The following FERMT1 variants were observed in gnomAD, a reference collection of about 807,000 sequenced individuals.
FERMT1 encodes the protein fermitin family homolog 1.
A neutral mutation model predicts 85.3 loss-of-function variants in FERMT1; 60 were observed. The observed-to-expected ratio is 0.70, with a 90% CI of 0.57 to 0.87. The LOEUF (loss-of-function observed/expected upper bound fraction) is 0.87. Among genes scored for constraint, FERMT1 ranks in the 40% least tolerant of loss-of-function variants. The pLI, the probability that FERMT1 is intolerant of heterozygous loss-of-function variation, is 0.00. For missense variants in FERMT1, 701 were observed against 818.9 expected (o/e 0.86, Z 1.76); for synonymous variants, 275 against 301.1 (o/e 0.91, Z 0.90).
chr20:6,094,445 C>T (rs1194215750), intron 9 of FERMT1, among the ~76,000 whole-genome samples: 1 of 152,128 alleles, frequency 6.6e-6, no homozygotes, highest in Non-Finnish European at 1.5e-5. Flanking sequence ...CTCTGTAAGC[C>T]CAGGATCAAA....
At chr20:6,092,410 G>A (rs1192186024) in intron 9 of FERMT1, among the ~76,000 whole-genome samples, 3 of 152,128 alleles carry the variant, frequency 2.0e-5, no homozygotes, top group Non-Finnish European at 2.9e-5. Flanking sequence ...AGGCATGGTG[G>A]CACATGCCTG....
At position 6,078,646 on chromosome 20, in the gene FERMT1, G is replaced by GTT. The variant is rs71867735; in HGVS notation, c.1860+788_1860+789dup. Among the ~76,000 whole-genome samples the GTT allele has an allele frequency of 4.5e-3, 532 of 117,406 alleles. 6 individuals carry two copies. Among genetic ancestry groups the GTT allele is most frequent in the African/African-American group, 0.015 (504 of 34,570 alleles). 77.0% of individuals were successfully genotyped at this position (117,406 alleles called of 152,430 possible). On this transcript the variant is annotated intron_variant, in intron 14 of 14. Transcript: ENST00000217289. ...GGCTAGTTCAGCGTTTTTTTTTTTT[G>GTT]TTTTTTTTTTTTTTAATTTTCTGTG...
At chr20:6,084,258 C>T (rs1293184804) in intron 12 of FERMT1, 94 bp from the exon 13 acceptor site, 2 of 1,356,592 alleles carry the variant, frequency 1.5e-6, no homozygotes, top group Non-Finnish European at 2.0e-6. Context: ...ACAATACACT[C>T]AAGGTCCGTC....
intron 12 of FERMT1, 97 bp from the exon 13 acceptor site, chr20:6,084,261 G>T: frequency 7.4e-7 from 1 of 1,343,042 alleles, no homozygotes; most frequent in Non-Finnish European, 1.0e-6. Flanking sequence ...ATACACTCAA[G>T]GTCCGTCTGC....
chr20:6,111,940 G>A (rs1982963477), intron 4 of FERMT1, among the ~76,000 whole-genome samples: 1 of 151,046 alleles, frequency 6.6e-6, no homozygotes, highest in African/African-American at 2.4e-5. Flanking sequence ...TTGGCACACC[G>A]CAACTTCCAC....
At chr20:6,093,092 C>A (rs578193780) in intron 9 of FERMT1, among the ~76,000 whole-genome samples, 1 of 152,116 alleles carries the variant, frequency 6.6e-6, no homozygotes, top group African/African-American at 2.4e-5. Context: ...AAAAGAGCTT[C>A]ACTGTAATAG....
rs1405627205 is a variant in FERMT1, at chr20:6,077,065, A to C, written c.*108T>G. On this transcript the variant is annotated 3_prime_UTR_variant, in exon 15 of 15. Transcript: ENST00000217289. ...GATCTGGGTGACCAGCGGTGAATGT[A>C]TGTTGTCTGTTAGTCCAGAATCTAC... The C allele has an allele frequency of 2.8e-6, 3 of 1,090,582 alleles. No homozygotes were observed. The African/African-American group carries it at 4.6e-5, about 17-fold the overall frequency. 67.6% of individuals were successfully genotyped at this position (1,090,582 alleles called of 1,614,324 possible).
intron 8 of FERMT1, among the ~76,000 whole-genome samples, chr20:6,096,367 A>G (rs1982498515): frequency 6.6e-6 from 1 of 152,304 alleles, no homozygotes; most frequent in African/African-American, 2.4e-5. Flanking sequence ...TCTACAAAAA[A>G]TACAAAAATT....
intron 12 of FERMT1, among the ~76,000 whole-genome samples, chr20:6,084,760 C>T (rs1445646060): frequency 6.6e-6 from 1 of 150,736 alleles, no homozygotes; most frequent in African/African-American, 2.4e-5. Flanking sequence ...GTGGTGCAGT[C>T]TCAGCTCACT....
intron 2 of FERMT1, 54 bp downstream of exon 2, chr20:6,119,347 GTGA>G: frequency 6.5e-7 from 1 of 1,537,224 alleles, no homozygotes; most frequent in Non-Finnish European, 9.0e-7. Flanking sequence ...GCCATTAGTG[GTGA>G]TGCACCAGAC....
Position 6,087,818 on chromosome 20 carries a change from C to T in FERMT1, c.1330G>A (p.Val444Ile). The T allele has an allele frequency of 6.2e-7, 1 of 1,611,354 alleles. No individual in the cohort carries two copies. Among genetic ancestry groups the T allele is most frequent in the Non-Finnish European group, 8.5e-7 (1 of 1,177,492 alleles). The change falls in exon 11 of 15, where the codon GTT (valine) becomes ATT (isoleucine). Residue 444 changes from valine to isoleucine, a missense_variant. Transcript: ENST00000217289. Reference sequence around the variant, plus strand: ...TACATTTCATTCATACCATCGGCAACAGGGATTAGTAACTTGATTCCAAAT... The same window carrying T: ...TACATTTCATTCATACCATCGGCAATAGGGATTAGTAACTTGATTCCAAAT... ...RKFGIKLLIP[V>I]ADGMNEMYLR...
intron 6 of FERMT1, among the ~76,000 whole-genome samples, chr20:6,098,232 A>G (rs946915638): frequency 2.0e-5 from 3 of 152,198 alleles, no homozygotes; most frequent in Non-Finnish European, 4.4e-5. Context: ...AAAATGGTTT[A>G]TATGATAAAC....
intron 9 of FERMT1, among the ~76,000 whole-genome samples, chr20:6,092,531 A>C (rs1167187899): frequency 6.6e-6 from 1 of 151,138 alleles, no homozygotes; most frequent in Non-Finnish European, 1.5e-5. Flanking sequence ...TGACAGAACG[A>C]GACTTTGTCT....
At chr20:6,091,388 G>A (rs1029031636) in intron 9 of FERMT1, among the ~76,000 whole-genome samples, 1 of 150,610 alleles carries the variant, frequency 6.6e-6, no homozygotes, top group African/African-American at 2.4e-5. Flanking sequence ...TGCCACCACG[G>A]CCGGCTAATT....
intron 4 of FERMT1, among the ~76,000 whole-genome samples, chr20:6,111,044 C>G (rs980825803): frequency 2.6e-5 from 4 of 152,192 alleles, no homozygotes; most frequent in Non-Finnish European, 5.9e-5. Context: ...TCAAGTGACT[C>G]TCCTGTCTGA....
rs753931147 is a variant in FERMT1, at chr20:6,078,645, TG to T, written c.1860+790del. Among the ~76,000 whole-genome samples, 888 of 136,348 alleles carry T rather than the reference TG, an allele frequency of 6.5e-3. 9 individuals carry two copies. Among genetic ancestry groups the T allele is most frequent in the African/African-American group, 0.022 (827 of 37,302 alleles). 89.4% of individuals were successfully genotyped at this position (136,348 alleles called of 152,430 possible). On this transcript the variant is annotated intron_variant, in intron 14 of 14. Coordinates refer to ENST00000217289, the MANE Select transcript of FERMT1 (RefSeq NM_017671.5). ...TGGCTAGTTCAGCGTTTTTTTTTTT[TG>T]TTTTTTTTTTTTTTAATTTTCTGTG...
rs563814485 is a variant in FERMT1 at position 6,081,775 on chromosome 20, T to A, written c.1719-2198A>T. ...TGCTGCAGGAGACAGAAAAGCATAA[T>A]TTTAAAAGAATTCCTAGCTGAATAT... is the stretch of plus-strand genomic sequence containing the variant. On this transcript the variant is annotated intron_variant, in intron 13 of 14. Coordinates refer to ENST00000217289, the MANE Select transcript of FERMT1 (RefSeq NM_017671.5). Among the ~76,000 whole-genome samples, 50 of 152,312 alleles carry A rather than the reference T, an allele frequency of 3.3e-4. No individual in the cohort carries two copies. The South Asian group carries it at 9.3e-3, about 28-fold the overall frequency.
intron 13 of FERMT1, among the ~76,000 whole-genome samples, chr20:6,080,039 AG>A (rs200189410): frequency 0.019 from 2,819 of 152,276 alleles, 77 homozygotes; most frequent in African/African-American, 0.063. Context: ...AGTTTGAAAC[AG>A]GGAGGTCAGT....
chr20:6,107,555 A>T lies in FERMT1; in HGVS notation c.826T>A (p.Ser276Thr). 1 of 1,611,622 alleles carries T rather than the reference A, an allele frequency of 6.2e-7. No homozygotes were observed. The change falls in exon 6 of 15, where the codon TCT becomes ACT. Residue 276 changes from serine to threonine, a missense_variant. Ser to Thr is a moderately conservative substitution (Grantham distance 58, BLOSUM62 1). Transcript: ENST00000217289. ...EQLLLRFKYY[S>T]FFDLNPKYDA... ...ACTTTAGGATTCAAGTCGAAGAAAG[A>T]ATAATATTTAAATCGTAAGAGCAGC...
Sources: allele counts gnomAD v4.1 joint callset (sites outside exome capture counted in the v4.1 genomes callset), GRCh38; gene constraint gnomAD v4.1.1; transcripts MANE v1.5; gene names NCBI Gene and HGNC (gene_info 2026-07-23, HGNC 2026-07-21).